The following EIF4G3 variants were observed in gnomAD, a reference collection of about 807,000 sequenced individuals.
The protein encoded by EIF4G3 is eIF-4-gamma 3.
In EIF4G3, 34 loss-of-function variants were observed where a neutral mutation model predicts 186.4. The ratio of observed to expected loss-of-function variants is 0.18; its 90% CI spans 0.14 to 0.24. EIF4G3 has a LOEUF of 0.24. EIF4G3 is among the 10% of genes least tolerant of loss of function. The pLI, the probability that EIF4G3 is intolerant of heterozygous loss-of-function variation, is 1.00. For missense variants in EIF4G3, 1,536 were observed against 1,948.5 expected (o/e 0.79, Z 3.99); for synonymous variants, 673 against 679.5 (o/e 0.99, Z 0.15).
At chr1:21,154,684 G>A (rs1179193011) in intron 2 of EIF4G3, among the ~76,000 whole-genome samples, 1 of 152,116 alleles carries the variant, frequency 6.6e-6, no homozygotes, top group Non-Finnish European at 1.5e-5. Context: ...TCATTCAAAG[G>A]CAGCCAATTT....
At chr1:20,983,073 C>G (rs1218871208) in intron 7 of EIF4G3, among the ~76,000 whole-genome samples, 1 of 152,120 alleles carries the variant, frequency 6.6e-6, no homozygotes, top group Non-Finnish European at 1.5e-5. Flanking sequence ...TTTTGTCCTA[C>G]TCTTAGGCAT....
chr1:21,149,299 C>T (rs977483255), intron 2 of EIF4G3, among the ~76,000 whole-genome samples: 1 of 151,904 alleles, frequency 6.6e-6, no homozygotes, highest in Non-Finnish European at 1.5e-5. Flanking sequence ...GGAAATTTAT[C>T]GAAATACATC....
chr1:20,970,276 CAA>C (rs2075575906), intron 11 of EIF4G3, among the ~76,000 whole-genome samples: 1 of 152,146 alleles, frequency 6.6e-6, no homozygotes, highest in African/African-American at 2.4e-5. Flanking sequence ...CCTTTTCCAG[CAA>C]AGACTGGAAA....
chr1:21,037,973 G>A (rs2154574290), intron 4 of EIF4G3, among the ~76,000 whole-genome samples: 1 of 152,258 alleles, frequency 6.6e-6, no homozygotes, highest in African/African-American at 2.4e-5. Context: ...CCAGGCATCA[G>A]GTGATTCTAA....
At chr1:21,030,614 C>T (rs779853179) in intron 4 of EIF4G3, among the ~76,000 whole-genome samples, 3 of 152,244 alleles carry the variant, frequency 2.0e-5, no homozygotes, top group Non-Finnish European at 2.9e-5. Flanking sequence ...CAGGCCAGTG[C>T]TCGTAACAAA....
chr1:20,885,980 T>TAG (rs2083997427), intron 19 of EIF4G3, among the ~76,000 whole-genome samples: 1 of 152,214 alleles, frequency 6.6e-6, no homozygotes, highest in East Asian at 1.9e-4. Context: ...ATGAACCCTC[T>TAG]AGACCTGGTA....
At chr1:20,808,634 T>C (rs1466753268) in intron 36 of EIF4G3, among the ~76,000 whole-genome samples, 1 of 152,028 alleles carries the variant, frequency 6.6e-6, no homozygotes, top group Non-Finnish European at 1.5e-5. Flanking sequence ...TGAGCTGAGA[T>C]TGCATCACTG....
At chr1:20,806,478 C>G (rs953419188), downstream of EIF4G3, 1 of 152,626 alleles carries the variant, frequency 6.6e-6, no homozygotes, top group East Asian at 1.9e-4. Flanking sequence ...ACTTTACTTT[C>G]TTTTAAACTT....
intron 23 of EIF4G3, among the ~76,000 whole-genome samples, chr1:20,861,347 G>C (rs541087642): frequency 7.2e-5 from 11 of 152,010 alleles, no homozygotes; most frequent in Non-Finnish European, 1.3e-4. Flanking sequence ...GAGAAAAGTA[G>C]TAGTAACAAA....
chr1:20,831,496 A>T (rs982193649), intron 30 of EIF4G3, among the ~76,000 whole-genome samples: 1 of 151,730 alleles, frequency 6.6e-6, no homozygotes, highest in Non-Finnish European at 1.5e-5. Context: ...TAAGCCAGGG[A>T]ACAGCTTCTG....
intron 14 of EIF4G3, among the ~76,000 whole-genome samples, chr1:20,933,591 G>T (rs1400186750): frequency 6.6e-6 from 1 of 152,100 alleles, no homozygotes; most frequent in Non-Finnish European, 1.5e-5. Flanking sequence ...GGAGGCGGAA[G>T]GTTGCAGTGA....
At chr1:20,928,966 T>C (rs2095130071) in intron 14 of EIF4G3, among the ~76,000 whole-genome samples, 1 of 152,236 alleles carries the variant, frequency 6.6e-6, no homozygotes, top group Non-Finnish European at 1.5e-5. Context: ...TGACATTTCA[T>C]ACAAATGGAA....
rs539091547 is a variant in EIF4G3, at chr1:20,862,263, G to T, written c.3076C>A (p.Arg1026=). 14 of 1,611,070 alleles carry T rather than the reference G, an allele frequency of 8.7e-6. No individual in the cohort carries two copies. The South Asian group carries it at 1.5e-4, about 18-fold the overall frequency. ...TCTATAACATCTTGAAGCATGAACCGAATCCTAGATGAGGTTTTTCTTTCT... is the reference window on the plus strand; with the variant it reads ...TCTATAACATCTTGAAGCATGAACCTAATCCTAGATGAGGTTTTTCTTTCT... ...VKERKTSSRI[R]FMLQDVIDLR... is the part of the protein sequence containing the mutation. The change falls in exon 23 of 37, where the codon CGG becomes AGG. Residue 1026 remains arginine, a synonymous_variant. Coordinates refer to ENST00000602326, the MANE Select transcript of EIF4G3 (RefSeq NM_001391906.1).
chr1:20,864,154 C>T (rs888964471), intron 22 of EIF4G3, among the ~76,000 whole-genome samples: 3 of 152,192 alleles, frequency 2.0e-5, no homozygotes, highest in African/African-American at 7.2e-5. Flanking sequence ...CATTTCTGCA[C>T]TACCCTTAGG....
intron 2 of EIF4G3, among the ~76,000 whole-genome samples, chr1:21,170,983 A>G (rs1389402001): frequency 4.5e-5 from 1 of 22,468 alleles, no homozygotes; most frequent in Admixed American, 7.8e-4. Context: ...CTGTCTAAAA[A>G]AATAAATTAA....
chr1:20,975,291 C>T (rs1244272266), intron 10 of EIF4G3, among the ~76,000 whole-genome samples: 1 of 151,746 alleles, frequency 6.6e-6, no homozygotes, highest in African/African-American at 2.4e-5. Context: ...GTTTCAAATG[C>T]TGCCAGGCAA....
intron 7 of EIF4G3, among the ~76,000 whole-genome samples, chr1:20,990,119 A>G (rs961145570): frequency 1.3e-5 from 2 of 152,204 alleles, no homozygotes; most frequent in Non-Finnish European, 1.5e-5. Flanking sequence ...GATTGCAGTG[A>G]GCAGAGATTA....
At chr1:20,976,491 T>C (rs1403813113) in intron 10 of EIF4G3, among the ~76,000 whole-genome samples, 1 of 152,234 alleles carries the variant, frequency 6.6e-6, no homozygotes, top group Non-Finnish European at 1.5e-5. Context: ...ATTATAAATT[T>C]AATAGTCATG....
chr1:20,918,602 T>C (rs1261474789), intron 14 of EIF4G3, among the ~76,000 whole-genome samples: 1 of 152,124 alleles, frequency 6.6e-6, no homozygotes, highest in East Asian at 1.9e-4. Context: ...TAGCATGTAG[T>C]CATTATGCAA....
Sources: allele counts gnomAD v4.1 joint callset (sites outside exome capture counted in the v4.1 genomes callset), GRCh38; gene constraint gnomAD v4.1.1; transcripts MANE v1.5; gene names NCBI Gene and HGNC (gene_info 2026-07-23, HGNC 2026-07-21).